Variants in KCP observed in about 807,000 individuals in gnomAD.
KCP encodes the protein kielin/chordin-like protein.
KCP carries 194 observed loss-of-function variants against 212.7 expected under a neutral mutation model. That is an observed-to-expected ratio of 0.91 (90% CI 0.81 to 1.03). KCP has a LOEUF of 1.03. Ranked by LOEUF, KCP falls within the 50% of genes least tolerant of loss-of-function variation. The pLI, the probability that KCP is intolerant of heterozygous loss-of-function variation, is 0.00. For synonymous variants in KCP, 833 were observed against 865.3 expected, an observed-to-expected ratio of 0.96 and a Z score of 0.65; for missense variants, 2,080 against 2,162.5, an observed-to-expected ratio of 0.96 and a Z score of 0.76.
Position 128,894,293 on chromosome 7 carries a change from C to T in KCP, c.832G>A (p.Glu278Lys), listed in dbSNP as rs999091286. The change falls in exon 9 of 40, where the codon GAG (glutamate) becomes AAG (lysine). Residue 278 changes from glutamate to lysine, a missense_variant and splice_region_variant. By Grantham distance (56) the Glu-to-Lys change is moderately conservative (BLOSUM62 1). Transcript: ENST00000610776. ...GDPCRICRCL[E>K]GHIQCRQREC... is the part of the protein sequence containing the mutation. ...CGCTGGCGGCACTGGATGTGACCCT[C>T]CTGGTGGGGAGAATGAACAGGGGAA... is the stretch of plus-strand genomic sequence containing the variant. 13 of 1,533,536 alleles carry T rather than the reference C, an allele frequency of 8.5e-6. No homozygotes were observed. Among genetic ancestry groups the T allele is most frequent in the South Asian group, 1.2e-5 (1 of 81,538 alleles). The allele number at this position is 1,533,536 out of a possible 1,614,324, so 95.0% of individuals were successfully genotyped here.
intron 20 of KCP, 26 bp from the exon 21 acceptor site, chr7:128,890,539 G>T: frequency 6.5e-7 from 1 of 1,535,608 alleles, no homozygotes; most frequent in Non-Finnish European, 8.8e-7. Context: ...GGGGCTGGGG[G>T]GCCGTGGGGA....
chr7:128,887,110 C>T (rs1793701186), intron 23 of KCP, 105 bp downstream of exon 23: 3 of 1,134,914 alleles, frequency 2.6e-6, no homozygotes, highest in African/African-American at 1.5e-5. Flanking sequence ...ATGTGAAGGG[C>T]AGAGTGTAGC....
At chr7:128,891,585 G>T in intron 17 of KCP, 52 bp from the exon 18 acceptor site, 1 of 1,525,020 alleles carries the variant, frequency 6.6e-7, no homozygotes, top group Non-Finnish European at 8.8e-7. Context: ...CCCAGGGCGT[G>T]CTGCCTTCCG....
intron 8 of KCP, among the ~76,000 whole-genome samples, chr7:128,901,662 T>C (rs1414917754): frequency 6.6e-6 from 1 of 152,046 alleles, no homozygotes; most frequent in Middle Eastern, 3.2e-3. Context: ...TTCACCTTTC[T>C]CTATGGACTT....
chr7:128,895,555 A>C (rs1461647468), intron 8 of KCP, among the ~76,000 whole-genome samples: 2 of 152,226 alleles, frequency 1.3e-5, no homozygotes, highest in African/African-American at 4.8e-5. Flanking sequence ...TCCATCTTGA[A>C]TAGGGGCTAG....
At position 128,877,321 on chromosome 7, in the gene KCP, G is replaced by A; in HGVS notation, c.4619-10C>T. ...AGGGGGCAGCCTACCACTGCAGGGG[G>A]AGTGGGAGGCGGGGTTACCAAGGCA... On this transcript the variant is annotated splice_polypyrimidine_tract_variant and intron_variant, in intron 39 of 39. Transcript: ENST00000610776. The A allele has an allele frequency of 1.3e-6, 2 of 1,527,242 alleles. No homozygotes were observed. The highest frequency in any genetic ancestry group is 1.8e-6 in the Non-Finnish European group (2 of 1,139,294). 94.6% of individuals were successfully genotyped at this position (1,527,242 alleles called of 1,614,324 possible).
intron 8 of KCP, 32 bp downstream of exon 8, chr7:128,902,745 G>A: frequency 1.3e-6 from 2 of 1,538,094 alleles, no homozygotes; most frequent in South Asian, 1.2e-5. Flanking sequence ...GGGCAGGGAG[G>A]GGGACAGACC....
rs2128950763 is a variant in KCP at position 128,907,105 on chromosome 7, C to G, written c.482G>C (p.Cys161Ser). ...AGGTAGGTCCTGGGAGCTTACCAGA[C>G]AGCGGCAGGTGGTGCAGGCATCTGG... ...FSPDACTTCR[C>S]LEGTITCNQK... The change falls in exon 4 of 40, where the codon TGT (cysteine) becomes TCT (serine). Residue 161 changes from cysteine to serine, a missense_variant. Cys to Ser is a moderately radical substitution (Grantham distance 112). Coordinates refer to ENST00000610776, the MANE Select transcript of KCP (RefSeq NM_001366122.1). 3 of 1,551,188 alleles carry G rather than the reference C, an allele frequency of 1.9e-6. No homozygotes were observed. Among genetic ancestry groups the G allele is most frequent in the Non-Finnish European group, 2.6e-6 (3 of 1,146,846 alleles).
rs1180735234 is a variant in KCP, at chr7:128,879,983, C to T, written c.3862G>A (p.Gly1288Ser). The change falls in exon 35 of 40, where the codon GGC (glycine) becomes AGC (serine). Residue 1288 changes from glycine to serine, a missense_variant. Gly to Ser is a moderately conservative substitution (Grantham distance 56). Transcript: ENST00000610776. ...CTGCCCTGGAAGTGCAGCAGGCGGC[C>T]GTCGAAGGTGCGGTAATGGGGGTCT... The part of the protein sequence containing the change: ...FGDPHYRTFD[G>S]RLLHFQGSCS... 30 of 1,550,480 alleles carry T rather than the reference C, an allele frequency of 1.9e-5. No homozygotes were observed. The highest frequency in any genetic ancestry group is 2.4e-5 in the East Asian group (1 of 40,932).
At chr7:128,892,116 C>T (rs528234711) in intron 16 of KCP, among the ~76,000 whole-genome samples, 3 of 152,146 alleles carry the variant, frequency 2.0e-5, no homozygotes, top group South Asian at 2.1e-4. Context: ...ACTCTCTATG[C>T]GGGCAGGGAC....
chr7:128,889,039 C>T lies in KCP; in HGVS notation c.2336G>A (p.Gly779Asp). Residue 779 changes from glycine (G) to aspartate (D), a missense_variant and splice_region_variant, in exon 22 of 40, where the codon GGC becomes GAC. Coordinates refer to ENST00000610776, the MANE Select transcript of KCP (RefSeq NM_001366122.1). ...ARGDCCPDCD[G>D]CEYLGESYLS... ...GTAGGACTCCCCCAGGTACTCACAGCCTTTCAGAGAAGAGACAGAGAGGCC... is the reference window on the plus strand; with the variant it reads ...GTAGGACTCCCCCAGGTACTCACAGTCTTTCAGAGAAGAGACAGAGAGGCC... 1.3e-6 allele frequency: 2 copies of T among 1,494,056 alleles called. No individual in the cohort carries two copies. The highest frequency in any genetic ancestry group is 2.6e-5 in the South Asian group (2 of 78,090). 92.5% of individuals were successfully genotyped at this position (1,494,056 alleles called of 1,614,324 possible). A position where few individuals can be genotyped will look rare whatever the true frequency, so the allele number is the denominator to read the frequency against.
chr7:128,877,743 C>T lies in KCP; in HGVS notation c.4359G>A (p.Glu1453=), dbSNP rs1793081261. Residue 1453 remains glutamate, a synonymous_variant, in exon 39 of 40, where the codon GAG becomes GAA. Coordinates refer to ENST00000610776, the MANE Select transcript of KCP (RefSeq NM_001366122.1). ...AACCTGCTGCCCGGCACGGATCCACCTCTCGGCCTGCAGAACAGGGCCGGC... is the reference window on the plus strand; with the variant it reads ...AACCTGCTGCCCGGCACGGATCCACTTCTCGGCCTGCAGAACAGGGCCGGC... The part of the protein sequence containing the change: ...WPGRPCSAGR[E]VDPCRAAGYR... The T allele has an allele frequency of 6.4e-7, 1 of 1,550,734 alleles. No individual in the cohort carries two copies. Among genetic ancestry groups the T allele is most frequent in the South Asian group, 1.2e-5 (1 of 84,044 alleles).
At chr7:128,881,875 G>C (rs1251606251) in intron 30 of KCP, 62 bp downstream of exon 30, 9 of 1,489,032 alleles carry the variant, frequency 6.0e-6, no homozygotes, top group Non-Finnish European at 8.2e-6. Context: ...AGGAGTGGCA[G>C]CCACAGCCCA....
intron 34 of KCP, 120 bp downstream of exon 34, chr7:128,880,266 C>T: frequency 7.4e-7 from 1 of 1,354,904 alleles, no homozygotes; most frequent in African/African-American, 1.5e-5. Flanking sequence ...CAGCACTGTC[C>T]CCAGCTCCCA....
At chr7:128,907,582 C>T in intron 2 of KCP, 129 bp from the exon 3 acceptor site, 3 of 563,438 alleles carry the variant, frequency 5.3e-6, no homozygotes, top group South Asian at 4.5e-5. Flanking sequence ...GATGGGTCCC[C>T]CTCGGTCAGC....
chr7:128,892,818 G>A, intron 14 of KCP, 24 bp from the exon 15 acceptor site: 1 of 1,551,574 alleles, frequency 6.4e-7, no homozygotes, highest in Non-Finnish European at 8.7e-7. Flanking sequence ...GCTGGTCAGG[G>A]TGAGCTGGGT....
At position 128,889,045 on chromosome 7, in the gene KCP, AGAG is replaced by A. The variant is rs576272901; in HGVS notation, c.2336-9_2336-7del. Reference sequence around the variant, plus strand: ...CTCCCCCAGGTACTCACAGCCTTTCAGAGAAGAGACAGAGAGGCCGAGGGGAGG... The same window carrying A: ...CTCCCCCAGGTACTCACAGCCTTTCAAAGAGACAGAGAGGCCGAGGGGAGG... On this transcript the variant is annotated splice_polypyrimidine_tract_variant and splice_region_variant and intron_variant, in intron 21 of 39. Coordinates refer to ENST00000610776, the MANE Select transcript of KCP (RefSeq NM_001366122.1). 1.3e-4 allele frequency: 199 copies of A among 1,490,652 alleles called. 3 individuals carry two copies. The South Asian group carries it at 2.5e-3, about 19-fold the overall frequency. 92.3% of individuals were successfully genotyped at this position (1,490,652 alleles called of 1,614,324 possible). A position where few individuals can be genotyped will look rare whatever the true frequency, so the allele number is the denominator to read the frequency against.
chr7:128,887,310 C>G lies in KCP; in HGVS notation c.2513-10G>C. 2 of 1,549,710 alleles carry G rather than the reference C, an allele frequency of 1.3e-6. No homozygotes were observed. The highest frequency in any genetic ancestry group is 1.7e-6 in the Non-Finnish European group (2 of 1,145,846). On this transcript the variant is annotated splice_polypyrimidine_tract_variant and intron_variant, in intron 22 of 39. Transcript: ENST00000610776. ...CCATGGTAGCGGCATCCTGGCAGAG[C>G]GGGGAGTCCAACAGAAGAGCTGCCA...
chr7:128,908,433 C>T lies in KCP; in HGVS notation c.212G>A (p.Arg71Lys). ...GRLEAAVMEL[R>K]EQNKDLQTRV... is the part of the protein sequence containing the mutation. ...GCACTGTCTCCATGGTACCTGTTCT[C>T]TGAGCTCCATCACTGCAGCCTCCAG... The change falls in exon 2 of 40, where the codon AGA becomes AAA. Residue 71 changes from arginine (R) to lysine (K), a missense_variant. Transcript: ENST00000610776. The T allele has an allele frequency of 6.4e-7, 1 of 1,551,540 alleles. No homozygotes were observed.
Sources: gnomAD v4.1 joint callset for allele counts (sites outside exome capture counted in the v4.1 genomes callset) on GRCh38, gnomAD v4.1.1 for gene constraint, MANE v1.5 for transcripts, NCBI Gene and HGNC (gene_info 2026-07-23, HGNC 2026-07-21) for gene names.